Variants in DDA1 observed in about 807,000 individuals in gnomAD.
The protein encoded by DDA1 is DET1 and DDB1 associated 1.
DDA1 carries 3 observed loss-of-function variants against 18.6 expected under a neutral mutation model. The ratio of observed to expected loss-of-function variants is 0.16; its 90% confidence interval spans 0.07 to 0.42. The LOEUF is 0.42. Among genes scored for constraint, DDA1 ranks in the 10% least tolerant of loss-of-function variants. The pLI is 0.99. For synonymous variants in DDA1, 52 were observed against 54.0 expected (o/e 0.96, Z 0.17); for missense variants, 105 against 138.2 (o/e 0.76, Z 1.20).
Position 17,321,845 on chromosome 19 carries a change from G to A in DDA1, c.*2189G>A, listed in dbSNP as rs1159858025. On this transcript the variant is annotated 3_prime_UTR_variant, in exon 5 of 5. Coordinates refer to ENST00000359866, the MANE Select transcript of DDA1 (RefSeq NM_024050.6). ...CTCCCGGCAGTGTCTACACCACAGT[G>A]ATGGTGCTACAGGGGCCATGTGGTC... 1 of 152,602 alleles carries A rather than the reference G, an allele frequency of 6.6e-6. No homozygotes were observed. The highest frequency in any genetic ancestry group is 1.5e-5 in the Non-Finnish European group (1 of 68,298). The allele number at this position is 152,602 out of a possible 1,614,324, so 9.5% of individuals were successfully genotyped here.
At position 17,322,967 on chromosome 19, in the gene DDA1, C is replaced by T. The variant is rs962125003; in HGVS notation, c.*3311C>T. 1.3e-5 allele frequency: 2 copies of T among 152,398 alleles called. No individual in the cohort carries two copies. Among genetic ancestry groups the T allele is most frequent in the Admixed American group, 1.3e-4 (2 of 15,300 alleles). 9.4% of individuals were successfully genotyped at this position (152,398 alleles called of 1,614,324 possible). A position where few individuals can be genotyped will look rare whatever the true frequency, so the allele number is the denominator to read the frequency against. ...CTGGGGCCTGTGCACACATTGTCGC[C>T]TCTTTTCAGCACTTAGAGATTCCTT... On this transcript the variant is annotated 3_prime_UTR_variant, in exon 5 of 5. Transcript: ENST00000359866.
In DDA1 at chr19:17,320,047, G is replaced by A. The variant is rs7888; in HGVS notation, c.*391G>A. The A allele has an allele frequency of 0.28, 49,939 of 180,764 alleles. 7,413 individuals are homozygous for A. The highest frequency in any genetic ancestry group is 0.36 in the South Asian group (3,495 of 9,726). The allele number at this position is 180,764 out of a possible 1,614,324, so 11.2% of individuals were successfully genotyped here. The stretch of plus-strand genomic sequence containing the variant: ...TTTACTGTGGCCGGGCGACAGGGGC[G>A]GGCCCGGGGTGGCCTGACCTACCAG... On this transcript the variant is annotated 3_prime_UTR_variant, in exon 5 of 5. Transcript: ENST00000359866.
chr19:17,321,785 C>T lies in DDA1; in HGVS notation c.*2129C>T, dbSNP rs1210389539. On this transcript the variant is annotated 3_prime_UTR_variant, in exon 5 of 5. Coordinates refer to ENST00000359866, the MANE Select transcript of DDA1 (RefSeq NM_024050.6). ...TACACAAGGAGTGGCTGACCAGGCC[C>T]AGGCACAGCACAGCCACCCTGCTGT... 6.6e-6 allele frequency: 1 copy of T among 152,542 alleles called. No individual in the cohort carries two copies. The highest frequency in any genetic ancestry group is 1.9e-4 in the East Asian group (1 of 5,212). The allele number at this position is 152,542 out of a possible 1,614,324, so 9.4% of individuals were successfully genotyped here.
rs866708000 is a variant in DDA1, at chr19:17,319,549, G to A, written c.202G>A (p.Ala68Thr). Reference protein sequence around the residue: ...YLHQQWDKKNAAKKRDQEQVE... With the variant: ...YLHQQWDKKNTAKKRDQEQVE... ...CTCTCTTTTCCCTGTCCCCCAGAACGCTGCCAAGAAGAGAGACCAGGAGCA... is the reference window on the plus strand; with the variant it reads ...CTCTCTTTTCCCTGTCCCCCAGAACACTGCCAAGAAGAGAGACCAGGAGCA... Residue 68 changes from alanine (A) to threonine (T), a missense_variant, in exon 5 of 5, where the codon GCT becomes ACT. By Grantham distance (58) the Ala-to-Thr change is moderately conservative (BLOSUM62 0). This residue lies in a region of DDA1 where 62 missense variants were observed against 55.8 expected (regional missense o/e 1.11). Coordinates refer to ENST00000359866, the MANE Select transcript of DDA1 (RefSeq NM_024050.6). 3.8e-6 allele frequency: 6 copies of A among 1,564,398 alleles called. No homozygotes were observed. The highest frequency in any genetic ancestry group is 2.7e-5 in the African/African-American group (2 of 73,702).
At chr19:17,318,477 C>T (rs557930641) in intron 4 of DDA1, among the ~76,000 whole-genome samples, 66 of 152,230 alleles carry the variant, frequency 4.3e-4, no homozygotes, top group African/African-American at 1.4e-3. Flanking sequence ...GTGATCCACC[C>T]GCCTTGGCCT....
At chr19:17,312,652 T>C (rs189148873) in intron 1 of DDA1, among the ~76,000 whole-genome samples, 237 of 152,244 alleles carry the variant, frequency 1.6e-3, no homozygotes, top group Non-Finnish European at 2.3e-3. Flanking sequence ...CACTGCGCCC[T>C]CGAGGCACCC....
chr19:17,315,894 A>G (rs757292521), intron 3 of DDA1, 40 bp from the exon 4 acceptor site: 2 of 1,600,588 alleles, frequency 1.2e-6, no homozygotes, highest in Non-Finnish European at 8.6e-7. Flanking sequence ...GAGCCTGGGG[A>G]GGGGAGGCGT....
rs143696757 is a variant in DDA1 at position 17,315,172 on chromosome 19, T to C, written c.137-762T>C. Among the ~76,000 whole-genome samples the C allele has an allele frequency of 6.0e-3, 318 of 52,914 alleles. 70 individuals are homozygous for C. Among genetic ancestry groups the C allele is most frequent in the African/African-American group, 0.015 (115 of 7,778 alleles). 34.7% of individuals were successfully genotyped at this position (52,914 alleles called of 152,430 possible). ...ACACGTATATATACACACGTGTATA[T>C]ACACACACGTGTATACACACACGTG... is the stretch of plus-strand genomic sequence containing the variant. On this transcript the variant is annotated intron_variant, in intron 3 of 4. Transcript: ENST00000359866.
In DDA1 at chr19:17,314,931, G is replaced by C. The variant is rs2145673877; in HGVS notation, c.136+542G>C. On this transcript the variant is annotated intron_variant, in intron 3 of 4. Transcript: ENST00000359866. This position sits in a 1 kb window ranked among gnomAD's most constrained non-coding sequence, Gnocchi z 4.6. ...AGGAGGACTTGGTCTTGCTGTCTTA[G>C]TTTAACTGTTCAAAAAGACTCCACA... 6.6e-6 allele frequency among the ~76,000 whole-genome samples: 1 copy of C among 151,990 alleles called. No homozygotes were observed. Among genetic ancestry groups the C allele is most frequent in the Admixed American group, 6.6e-5 (1 of 15,258 alleles).
chr19:17,316,604 G>A (rs900293849), intron 4 of DDA1, among the ~76,000 whole-genome samples: 25 of 151,792 alleles, frequency 1.6e-4, no homozygotes, highest in Non-Finnish European at 2.4e-4. Context: ...GCCGGGTGAG[G>A]TGGCTCACGC....
rs368477374 is a variant in DDA1, at chr19:17,319,627, G to T, written c.280G>T (p.Asp94Tyr). The T allele has an allele frequency of 6.3e-7, 1 of 1,575,328 alleles. No homozygotes were observed. Among genetic ancestry groups the T allele is most frequent in the East Asian group, 2.3e-5 (1 of 42,916 alleles). ...ACCTCCCCGCAAGGTGGCGCGGACC[G>T]ACAGCCCAGACATGCACGAGGACAC... ...SAPPRKVART[D>Y]SPDMHEDT The change falls in exon 5 of 5, where the codon GAC (aspartate) becomes TAC (tyrosine). Residue 94 changes from aspartate (D) to tyrosine (Y), a missense_variant. Around this residue, in one of 2 missense-constraint regions of DDA1, gnomAD observed 62 missense variants for 55.8 expected, o/e 1.11. Coordinates refer to ENST00000359866, the MANE Select transcript of DDA1 (RefSeq NM_024050.6).
intron 3 of DDA1, among the ~76,000 whole-genome samples, chr19:17,315,599 G>A (rs1421978683): frequency 6.6e-6 from 1 of 151,888 alleles, no homozygotes; most frequent in Non-Finnish European, 1.5e-5. Context: ...TCCATCTGGA[G>A]CCTGTGGGGT....
At chr19:17,313,951 C>A in intron 1 of DDA1, 72 bp from the exon 2 acceptor site, 3 of 1,236,010 alleles carry the variant, frequency 2.4e-6, no homozygotes, top group South Asian at 1.2e-5. Context: ...ACCCAGCAGT[C>A]ACCCTGCAGG....
intron 4 of DDA1, among the ~76,000 whole-genome samples, chr19:17,318,430 G>T (rs543889297): frequency 1.3e-5 from 2 of 151,824 alleles, no homozygotes; most frequent in Non-Finnish European, 2.9e-5. Context: ...GGGGTTTCTC[G>T]ATGTTAGTCT....
Position 17,320,358 on chromosome 19 carries a change from TTGTCACCAAGAGGAGTGAGAAG to T in DDA1, c.*703_*724del, listed in dbSNP as rs752859166. ...ACGGAGCCCCTGGGAGTCATCCCTG[TTGTCACCAAGAGGAGTGAGAAG>T]GGCCCCCCACGCCAGGGGCCCCAGG... On this transcript the variant is annotated 3_prime_UTR_variant, in exon 5 of 5. Transcript: ENST00000359866. The T allele has an allele frequency of 6.6e-6, 1 of 152,236 alleles. No individual in the cohort carries two copies. The highest frequency in any genetic ancestry group is 1.5e-5 in the Non-Finnish European group (1 of 68,060). 9.4% of individuals were successfully genotyped at this position (152,236 alleles called of 1,614,324 possible). A position where few individuals can be genotyped will look rare whatever the true frequency, so the allele number is the denominator to read the frequency against.
intron 4 of DDA1, 130 bp downstream of exon 4, chr19:17,316,125 G>A (rs1330956336): frequency 2.0e-6 from 2 of 1,015,022 alleles, no homozygotes; most frequent in African/African-American, 3.2e-5. Flanking sequence ...GGAGTGCCCT[G>A]GGCGATCCAG....
At chr19:17,313,943 C>G (rs747401665) in intron 1 of DDA1, 80 bp from the exon 2 acceptor site, 44 of 1,165,072 alleles carry the variant, frequency 3.8e-5, no homozygotes, top group Non-Finnish European at 5.4e-5. Flanking sequence ...AAGAAGGAAC[C>G]CAGCAGTCAC....
intron 3 of DDA1, among the ~76,000 whole-genome samples, chr19:17,315,384 TATATACACACTATATATATACATAC>T (rs1251930569): frequency 1.5e-3 from 146 of 94,350 alleles, no homozygotes; most frequent in South Asian, 4.6e-3. Flanking sequence ...CACACGTATA[TATATACACACTATATATATACATAC>T]GTGTGTGTGT....
chr19:17,319,581 G>A lies in DDA1; in HGVS notation c.234G>A (p.Glu78=), dbSNP rs1478873708. 7.0e-6 allele frequency: 11 copies of A among 1,577,422 alleles called. No individual in the cohort carries two copies. The highest frequency in any genetic ancestry group is 9.5e-6 in the Non-Finnish European group (11 of 1,161,572). Residue 78 remains glutamate (E), a synonymous_variant, in exon 5 of 5, where the codon GAG becomes GAA. Transcript: ENST00000359866. The part of the protein sequence containing the change: ...AAKKRDQEQV[E]LEGESSAPPR... ...AGAAGAGAGACCAGGAGCAAGTGGA[G>A]CTGGAAGGCGAGAGCTCCGCACCTC... is the stretch of plus-strand genomic sequence containing the variant.
Sources: allele counts gnomAD v4.1 joint callset (sites outside exome capture counted in the v4.1 genomes callset), GRCh38; gene constraint gnomAD v4.1.1; regional missense constraint gnomAD v4.1.1; non-coding constraint Gnocchi (gnomAD v3.1); transcripts MANE v1.5; gene names NCBI Gene and HGNC (gene_info 2026-07-23, HGNC 2026-07-21).